Variants in PKHD1L1 observed in about 807,000 individuals in gnomAD.
PKHD1L1 encodes the protein fibrocystin-L.
PKHD1L1 carries 434 observed loss-of-function variants against 462.9 expected under a neutral mutation model. The observed-to-expected ratio is 0.94, with a 90% CI of 0.87 to 1.02. The LOEUF (loss-of-function observed/expected upper bound fraction) is 1.02. Ranked by LOEUF, PKHD1L1 falls within the 50% of genes least tolerant of loss-of-function variation. The probability of loss-of-function intolerance (pLI) is 0.00; values close to 1 mark genes in which losing one functional copy is unlikely to be tolerated. For missense variants in PKHD1L1, 5,202 were observed against 5,096.1 expected, an observed-to-expected ratio of 1.02 and a Z score of -0.63; for synonymous variants, 1,781 against 1,750.0, an observed-to-expected ratio of 1.02 and a Z score of -0.44.
At position 109,443,732 on chromosome 8, in the gene PKHD1L1, C is replaced by G; in HGVS notation, c.4621C>G (p.Pro1541Ala). The G allele has an allele frequency of 6.2e-7, 1 of 1,613,568 alleles. No homozygotes were observed. The highest frequency in any genetic ancestry group is 8.5e-7 in the Non-Finnish European group (1 of 1,179,718). ...SSVAGCLATE[P>A]LCSLNNTRVK... ...TGTGGCAGGCTGCCTAGCAACAGAA[C>G]CCCTGTGCAGCCTGAACAATACCAG... Residue 1541 changes from proline to alanine, a missense_variant, in exon 37 of 78, where the codon CCC becomes GCC. Around this residue, in one of 3 missense-constraint regions of PKHD1L1, gnomAD observed 4,497 missense variants for 4,336.8 expected, o/e 1.04. Transcript: ENST00000378402.
At position 109,445,319 on chromosome 8, in the gene PKHD1L1, G is replaced by A. The variant is rs1038382043; in HGVS notation, c.5450G>A (p.Gly1817Glu). The change falls in exon 38 of 78, where the codon GGA becomes GAA. Residue 1817 changes from glycine (G) to glutamate (E), a missense_variant. Physicochemically the swap from Gly to Glu is moderately conservative, Grantham distance 98. Coordinates refer to ENST00000378402, the MANE Select transcript of PKHD1L1 (RefSeq NM_177531.6). The part of the protein sequence containing the change: ...VGHHSVSVVV[G>E]SKGLALGNLT... ...CATCATTCTGTTAGTGTTGTGGTGGGAAGTAAAGGCTTGGCTCTGGGAAAC... is the reference window on the plus strand; with the variant it reads ...CATCATTCTGTTAGTGTTGTGGTGGAAAGTAAAGGCTTGGCTCTGGGAAAC... 1 of 1,613,960 alleles carries A rather than the reference G, an allele frequency of 6.2e-7. No homozygotes were observed.
intron 23 of PKHD1L1, among the ~76,000 whole-genome samples, chr8:109,424,304 A>C (rs1273950419): frequency 1.3e-5 from 2 of 152,122 alleles, no homozygotes; most frequent in African/African-American, 4.8e-5. Flanking sequence ...ATTGCTGTAC[A>C]TTTTTCCATA....
chr8:109,504,869 C>A lies in PKHD1L1; in HGVS notation c.10994+377C>A, dbSNP rs148237115. Among the ~76,000 whole-genome samples, 173 of 152,154 alleles carry A rather than the reference C, an allele frequency of 1.1e-3. 1 individual carries two copies. Among genetic ancestry groups the A allele is most frequent in the African/African-American group, 3.8e-3 (158 of 41,510 alleles). On this transcript the variant is annotated intron_variant, in intron 68 of 77. Coordinates refer to ENST00000378402, the MANE Select transcript of PKHD1L1 (RefSeq NM_177531.6). The stretch of plus-strand genomic sequence containing the variant: ...TCAGGAGGTTGAAGCAAGAGGATTT[C>A]TTGAGCCCAGGAGTTTGAGGACATC...
In PKHD1L1 at chr8:109,495,093, AT is replaced by A. The variant is rs555989353; in HGVS notation, c.10327+1350del. 1.4e-4 allele frequency among the ~76,000 whole-genome samples: 21 copies of A among 151,778 alleles called. 1 individual carries two copies. The highest frequency in any genetic ancestry group is 3.7e-3 in the Middle Eastern group (1 of 272). On this transcript the variant is annotated intron_variant, in intron 63 of 77. Coordinates refer to ENST00000378402, the MANE Select transcript of PKHD1L1 (RefSeq NM_177531.6). ...TATTTTTAAGATTCTTTGAATCAGC[AT>A]TTTTTTTCTGTCAATTCAAACATTT... is the stretch of plus-strand genomic sequence containing the variant.
At chr8:109,418,995 G>T in intron 21 of PKHD1L1, 102 bp from the exon 22 acceptor site, 1 of 1,064,686 alleles carries the variant, frequency 9.4e-7, no homozygotes, top group Non-Finnish European at 1.3e-6. Flanking sequence ...GTCGTCTTGT[G>T]GGAAAAAATA....
At chr8:109,413,317 G>C in intron 20 of PKHD1L1, 104 bp from the exon 21 acceptor site, 1 of 821,826 alleles carries the variant, frequency 1.2e-6, no homozygotes, top group Non-Finnish European at 1.7e-6. Context: ...GTTTTATGTA[G>C]AAAATGCTCA....
chr8:109,447,119 A>G (rs989811169), intron 38 of PKHD1L1, among the ~76,000 whole-genome samples: 5 of 152,122 alleles, frequency 3.3e-5, no homozygotes, highest in African/African-American at 1.2e-4. Context: ...GCTACTTGGG[A>G]GGCTGAGGCA....
intron 28 of PKHD1L1, 132 bp from the exon 29 acceptor site, chr8:109,435,058 T>A (rs1815326549): frequency 2.4e-6 from 2 of 850,496 alleles, no homozygotes; most frequent in East Asian, 2.6e-5. Context: ...CATTAATATA[T>A]GATTGGTTTT....
intron 17 of PKHD1L1, among the ~76,000 whole-genome samples, chr8:109,406,928 TA>T (rs35094855): frequency 0.33 from 48,517 of 148,754 alleles, 8,103 homozygotes; most frequent in Admixed American, 0.44. Context: ...CCTGCAGTAT[TA>T]AAAAAAAAAG....
chr8:109,445,739 G>A, intron 38 of PKHD1L1, 94 bp downstream of exon 38: 11 of 1,297,768 alleles, frequency 8.5e-6, no homozygotes, highest in Non-Finnish European at 1.1e-5. Flanking sequence ...AACTATTAAG[G>A]TGTGTTTATA....
At chr8:109,391,061 G>A (rs761518212) in intron 9 of PKHD1L1, among the ~76,000 whole-genome samples, 28 of 152,086 alleles carry the variant, frequency 1.8e-4, no homozygotes, top group Admixed American at 6.6e-5. Context: ...ATCAGAATAT[G>A]CAAATCTCAA....
At chr8:109,399,607 G>A (rs1234706014) in intron 12 of PKHD1L1, among the ~76,000 whole-genome samples, 1 of 151,952 alleles carries the variant, frequency 6.6e-6, no homozygotes, top group East Asian at 1.9e-4. Context: ...AAATCTGAAA[G>A]CCAACAATTT....
chr8:109,523,151 T>A lies in PKHD1L1; in HGVS notation c.12331-82T>A. 5 of 1,324,390 alleles carry A rather than the reference T, an allele frequency of 3.8e-6. No individual in the cohort carries two copies. In the South Asian group the frequency reaches 7.7e-5, roughly 20 times the overall value. The allele number at this position is 1,324,390 out of a possible 1,614,324, so 82.0% of individuals were successfully genotyped here. The stretch of plus-strand genomic sequence containing the variant: ...TTTTCAATTTATAATGAGGCATTTT[T>A]AAAAATAAAGTTTTGCATATATTTT... On this transcript the variant is annotated intron_variant, in intron 75 of 77. Transcript: ENST00000378402.
chr8:109,374,054 T>G (rs7816111), intron 2 of PKHD1L1, among the ~76,000 whole-genome samples: 3 of 152,172 alleles, frequency 2.0e-5, no homozygotes, highest in South Asian at 4.1e-4. Flanking sequence ...TTCCTGGATA[T>G]CCTTGTTAAC....
intron 65 of PKHD1L1, among the ~76,000 whole-genome samples, chr8:109,497,855 C>T (rs72687045): frequency 0.039 from 5,860 of 152,188 alleles, 152 homozygotes; most frequent in Middle Eastern, 0.078. Flanking sequence ...GGTAATGACA[C>T]TTCCTCCACT....
intron 2 of PKHD1L1, among the ~76,000 whole-genome samples, chr8:109,374,616 C>T (rs900296372): frequency 4.2e-4 from 64 of 152,294 alleles, no homozygotes; most frequent in African/African-American, 1.5e-3. Context: ...TACAATTTGG[C>T]ATGTTTTTAC....
chr8:109,388,436 G>T lies in PKHD1L1; in HGVS notation c.570-61G>T, dbSNP rs1324202419. On this transcript the variant is annotated intron_variant, in intron 6 of 77. Transcript: ENST00000378402. ...GAACCAGTGAGTTGATGGGAGGAGT[G>T]CATTTTTGAAACAATTTGTTAAACA... The T allele has an allele frequency of 2.5e-6, 3 of 1,198,660 alleles. No individual in the cohort carries two copies. In the African/African-American group the frequency reaches 4.6e-5, roughly 18 times the overall value. The allele number at this position is 1,198,660 out of a possible 1,614,324, so 74.3% of individuals were successfully genotyped here.
chr8:109,388,476 C>T, intron 6 of PKHD1L1, 21 bp from the exon 7 acceptor site: 1 of 1,436,272 alleles, frequency 7.0e-7, no homozygotes, highest in Admixed American at 2.2e-5. Flanking sequence ...TTGATTTTTT[C>T]TAATAAAAAT....
At chr8:109,440,879 A>G (rs1815746486) in intron 33 of PKHD1L1, 27 bp downstream of exon 33, 1 of 1,601,292 alleles carries the variant, frequency 6.2e-7, no homozygotes, top group Non-Finnish European at 8.5e-7. Context: ...TAGGAAAGTG[A>G]TTATCATTTT....
Sources: gnomAD v4.1 joint callset for allele counts (sites outside exome capture counted in the v4.1 genomes callset) on GRCh38, gnomAD v4.1.1 for gene constraint, gnomAD v4.1.1 regional missense constraint, MANE v1.5 for transcripts, NCBI Gene and HGNC (gene_info 2026-07-23, HGNC 2026-07-21) for gene names.